RIMS1: variants seen among roughly 807,000 people sequenced by gnomAD.
The protein encoded by RIMS1 is regulating synaptic membrane exocytosis 1, also known as regulating synaptic membrane exocytosis protein 1.
Under a neutral mutation model 214.1 loss-of-function variants are expected in RIMS1, and 83 were observed. The ratio of observed to expected loss-of-function variants is 0.39; its 90% CI spans 0.32 to 0.47. The LOEUF is 0.47. Ranked by LOEUF, RIMS1 falls within the 20% of genes least tolerant of loss-of-function variation. RIMS1 has a pLI of 0.99. For missense variants in RIMS1, 2,050 were observed against 2,161.8 expected (o/e 0.95, Z 1.03); for synonymous variants, 793 against 786.8 (o/e 1.01, Z -0.13).
chr6:71,978,472 T>G lies in RIMS1; in HGVS notation c.245+9409T>G, dbSNP rs60237320. On this transcript the variant is annotated intron_variant, in intron 2 of 33. Coordinates refer to ENST00000521978, the MANE Select transcript of RIMS1 (RefSeq NM_014989.7). ...GTTGGGACAGAAGATTCAATAATTTTCTAGGTGTTTGGATACCCGTGAAGA... is the reference window on the plus strand; with the variant it reads ...GTTGGGACAGAAGATTCAATAATTTGCTAGGTGTTTGGATACCCGTGAAGA... Among the ~76,000 whole-genome samples, 754 of 152,222 alleles carry G rather than the reference T, an allele frequency of 5.0e-3. 6 individuals are homozygous for G. Among genetic ancestry groups the G allele is most frequent in the African/African-American group, 0.017 (718 of 41,568 alleles).
At chr6:72,344,272 T>G (rs908435931) in intron 29 of RIMS1, among the ~76,000 whole-genome samples, 1 of 151,710 alleles carries the variant, frequency 6.6e-6, no homozygotes, top group Non-Finnish European at 1.5e-5. Flanking sequence ...ACCAAAATGT[T>G]CTCTGGTAAT....
chr6:72,183,230 C>G, intron 6 of RIMS1, 81 bp downstream of exon 6: 1 of 1,427,886 alleles, frequency 7.0e-7, no homozygotes, highest in South Asian at 1.2e-5. Flanking sequence ...AGGCTAGTTG[C>G]TGGGTTCAGC....
chr6:72,152,986 T>C (rs1355357331), intron 4 of RIMS1, among the ~76,000 whole-genome samples: 2 of 121,378 alleles, frequency 1.6e-5, no homozygotes, highest in Non-Finnish European at 3.5e-5. Context: ...TATATGTATA[T>C]ATGGAATATA....
At chr6:71,992,373 T>C (rs1032153925) in intron 2 of RIMS1, among the ~76,000 whole-genome samples, 1 of 151,492 alleles carries the variant, frequency 6.6e-6, no homozygotes, top group Non-Finnish European at 1.5e-5. Context: ...TTCCTTTTTC[T>C]TTCTTTGCTT....
At chr6:72,374,562 A>G (rs1013146899) in intron 29 of RIMS1, among the ~76,000 whole-genome samples, 2 of 152,106 alleles carry the variant, frequency 1.3e-5, no homozygotes, top group African/African-American at 4.8e-5. Flanking sequence ...CTCTTGTCAT[A>G]TCCATACTTT....
At chr6:71,985,497 A>G (rs2151530412) in intron 2 of RIMS1, among the ~76,000 whole-genome samples, 1 of 152,300 alleles carries the variant, frequency 6.6e-6, no homozygotes, top group Non-Finnish European at 1.5e-5. Flanking sequence ...CTCTTGAGTT[A>G]TGTACGTCCA....
chr6:72,103,360 T>C (rs1275801710), intron 4 of RIMS1, among the ~76,000 whole-genome samples: 5 of 152,170 alleles, frequency 3.3e-5, no homozygotes, highest in African/African-American at 1.2e-4. Context: ...TACTATTCTT[T>C]AAACTTCGTA....
At chr6:72,116,108 C>T (rs2449425) in intron 4 of RIMS1, among the ~76,000 whole-genome samples, 68,546 of 151,774 alleles carry the variant, frequency 0.45, 16,294 homozygotes, top group East Asian at 0.67. Context: ...GTGAGAAGCA[C>T]TGCAGTGAAT....
chr6:71,901,325 A>G (rs938357554), intron 1 of RIMS1, among the ~76,000 whole-genome samples: 5 of 152,250 alleles, frequency 3.3e-5, no homozygotes, highest in African/African-American at 1.2e-4. Flanking sequence ...CTTCATAGCA[A>G]CCTTATTGTT....
Position 72,245,124 on chromosome 6 carries a change from A to C in RIMS1, c.2082-691A>C, listed in dbSNP as rs546902848. On this transcript the variant is annotated intron_variant, in intron 10 of 33. Coordinates refer to ENST00000521978, the MANE Select transcript of RIMS1 (RefSeq NM_014989.7). ...GAGATTATAGTACATATATTTCTTCAGAGTAATTTGTCAGTGTGGCAGGAA... is the reference window on the plus strand; with the variant it reads ...GAGATTATAGTACATATATTTCTTCCGAGTAATTTGTCAGTGTGGCAGGAA... 3.6e-3 allele frequency among the ~76,000 whole-genome samples: 546 copies of C among 152,014 alleles called. 4 individuals carry two copies. The highest frequency in any genetic ancestry group is 0.012 in the African/African-American group (519 of 41,546).
intron 6 of RIMS1, among the ~76,000 whole-genome samples, chr6:72,190,546 G>C (rs1294377026): frequency 6.6e-6 from 1 of 151,506 alleles, no homozygotes; most frequent in Non-Finnish European, 1.5e-5. Context: ...GCCTTCATTT[G>C]GTGCCTGCAT....
At chr6:72,153,503 A>G (rs1479373612) in intron 4 of RIMS1, among the ~76,000 whole-genome samples, 1 of 152,182 alleles carries the variant, frequency 6.6e-6, no homozygotes, top group Non-Finnish European at 1.5e-5. Context: ...TTAAATGTTT[A>G]CATGGCCATG....
chr6:72,225,207 A>G (rs976132774), intron 6 of RIMS1, among the ~76,000 whole-genome samples: 20 of 146,086 alleles, frequency 1.4e-4, no homozygotes, highest in African/African-American at 5.0e-4. Flanking sequence ...ATTACCCACT[A>G]TTTGCTACAG....
At chr6:72,366,665 T>G (rs781102362) in intron 29 of RIMS1, 4 of 973,668 alleles carry the variant, frequency 4.1e-6, no homozygotes, top group Non-Finnish European at 4.9e-6. Flanking sequence ...TGTATATGCA[T>G]GAGAAGGAGA....
At chr6:72,124,564 C>A (rs2039112341) in intron 4 of RIMS1, among the ~76,000 whole-genome samples, 1 of 151,854 alleles carries the variant, frequency 6.6e-6, no homozygotes, top group Non-Finnish European at 1.5e-5. Context: ...TAATATCCTG[C>A]AGAGTGTTTT....
intron 1 of RIMS1, among the ~76,000 whole-genome samples, chr6:71,897,248 A>C (rs1272591392): frequency 1.3e-5 from 2 of 152,128 alleles, no homozygotes; most frequent in African/African-American, 4.8e-5. Context: ...TGGATGCCTG[A>C]AGGAACCTCT....
chr6:72,153,062 TC>T (rs1192494483), intron 4 of RIMS1, among the ~76,000 whole-genome samples: 2 of 137,642 alleles, frequency 1.5e-5, no homozygotes, highest in African/African-American at 5.2e-5. Flanking sequence ...ATGTATATAT[TC>T]CCTATGTATA....
At chr6:72,042,510 T>A (rs555957754) in intron 2 of RIMS1, among the ~76,000 whole-genome samples, 1 of 152,044 alleles carries the variant, frequency 6.6e-6, no homozygotes, top group East Asian at 1.9e-4. Flanking sequence ...AACCACATTA[T>A]GTTTAATATT....
intron 4 of RIMS1, among the ~76,000 whole-genome samples, chr6:72,167,210 T>G (rs1436484574): frequency 6.6e-6 from 1 of 151,828 alleles, no homozygotes; most frequent in Non-Finnish European, 1.5e-5. Context: ...ATATTTTATA[T>G]ATAAAATGTT....
Sources: allele counts gnomAD v4.1 joint callset (sites outside exome capture counted in the v4.1 genomes callset), GRCh38; gene constraint gnomAD v4.1.1; transcripts MANE v1.5; gene names NCBI Gene and HGNC (gene_info 2026-07-23, HGNC 2026-07-21).